CTNND2: variants seen among roughly 807,000 people sequenced by gnomAD.
CTNND2 encodes the protein catenin delta-2.
Under a neutral mutation model 144.4 loss-of-function variants are expected in CTNND2, and 22 were observed. The observed-to-expected ratio is 0.15, with a 90% CI of 0.11 to 0.22. The LOEUF (loss-of-function observed/expected upper bound fraction) is 0.22. CTNND2 is among the 10% of genes least tolerant of loss of function. The probability of loss-of-function intolerance (pLI) is 1.00; values close to 1 mark genes in which losing one functional copy is unlikely to be tolerated. For synonymous variants in CTNND2, 751 were observed against 695.6 expected (o/e 1.08, Z -1.25); for missense variants, 1,353 against 1,618.8 (o/e 0.84, Z 2.82).
chr5:11,667,541 T>C (rs1012301446), intron 2 of CTNND2, among the ~76,000 whole-genome samples: 1 of 152,216 alleles, frequency 6.6e-6, no homozygotes, highest in Non-Finnish European at 1.5e-5. Flanking sequence ...TTTTCATATG[T>C]CTGTTGGCTG....
intron 16 of CTNND2, among the ~76,000 whole-genome samples, chr5:11,030,052 G>A (rs1116698): frequency 0.78 from 118,890 of 151,804 alleles, 46,980 homozygotes; most frequent in African/African-American, 0.88. Context: ...TTTTTCTTTC[G>A]GCACCATGAC....
intron 1 of CTNND2, among the ~76,000 whole-genome samples, chr5:11,887,697 A>T: frequency 6.6e-6 from 1 of 152,174 alleles, no homozygotes; most frequent in Non-Finnish European, 1.5e-5. Context: ...AATTTTCCCT[A>T]AAGTTCTTTT....
chr5:11,279,528 G>C (rs1051551045), intron 9 of CTNND2, among the ~76,000 whole-genome samples: 5 of 152,118 alleles, frequency 3.3e-5, no homozygotes, highest in Middle Eastern at 3.2e-3. Flanking sequence ...ACTTTCAAGA[G>C]AGCAGGAATA....
At chr5:11,648,768 C>T (rs900182792) in intron 2 of CTNND2, among the ~76,000 whole-genome samples, 4 of 152,238 alleles carry the variant, frequency 2.6e-5, no homozygotes, top group Middle Eastern at 3.4e-3. Context: ...CACCATGACA[C>T]TCAATAGACT....
intron 1 of CTNND2, among the ~76,000 whole-genome samples, chr5:11,755,490 T>C (rs1384027135): frequency 2.0e-5 from 3 of 151,730 alleles, no homozygotes; most frequent in African/African-American, 2.4e-5. Context: ...TTGGCCTCTC[T>C]AGCAAGGCTA....
intron 3 of CTNND2, among the ~76,000 whole-genome samples, chr5:11,521,126 T>C (rs956554615): frequency 6.6e-6 from 1 of 152,254 alleles, no homozygotes; most frequent in Non-Finnish European, 1.5e-5. Context: ...TAAACATTCA[T>C]ATCAAAGGGA....
intron 9 of CTNND2, among the ~76,000 whole-genome samples, chr5:11,311,594 T>C (rs1181388421): frequency 1.1e-4 from 10 of 87,644 alleles, no homozygotes; most frequent in African/African-American, 9.0e-5. Flanking sequence ...CACACATACA[T>C]ACTCTCACAC....
At chr5:11,446,949 T>C (rs937993697) in intron 3 of CTNND2, among the ~76,000 whole-genome samples, 2 of 152,108 alleles carry the variant, frequency 1.3e-5, no homozygotes, top group African/African-American at 4.8e-5. Flanking sequence ...CTCAACTCTC[T>C]GGTGTCTCTT....
At chr5:11,002,592 GA>G (rs1167025334) in intron 18 of CTNND2, among the ~76,000 whole-genome samples, 1 of 152,156 alleles carries the variant, frequency 6.6e-6, no homozygotes, top group Non-Finnish European at 1.5e-5. Flanking sequence ...TATGGGGAGA[GA>G]AAACAGGCTA....
chr5:11,002,404 C>T (rs1740047694), intron 18 of CTNND2, among the ~76,000 whole-genome samples: 1 of 152,314 alleles, frequency 6.6e-6, no homozygotes, highest in South Asian at 2.1e-4. Context: ...GGTGAGAGCA[C>T]CCTACTTCTG....
chr5:11,711,209 C>T (rs933093418), intron 2 of CTNND2, among the ~76,000 whole-genome samples: 1 of 152,136 alleles, frequency 6.6e-6, no homozygotes, highest in East Asian at 1.9e-4. Context: ...GCATGTGCCA[C>T]CACGCCAGGC....
At chr5:11,880,587 ACTC>A (rs1195514239) in intron 1 of CTNND2, among the ~76,000 whole-genome samples, 1 of 140,918 alleles carries the variant, frequency 7.1e-6, no homozygotes, top group Non-Finnish European at 1.5e-5. Context: ...TACTACCACT[ACTC>A]CTACTATCAG....
chr5:11,190,700 GTAT>G (rs1252348890), intron 11 of CTNND2, among the ~76,000 whole-genome samples: 2 of 152,194 alleles, frequency 1.3e-5, no homozygotes, highest in Non-Finnish European at 2.9e-5. Flanking sequence ...ATTTGTTGAT[GTAT>G]TATCTATGGT....
At chr5:11,510,851 A>C (rs149278399) in intron 3 of CTNND2, among the ~76,000 whole-genome samples, 25 of 152,208 alleles carry the variant, frequency 1.6e-4, no homozygotes, top group Admixed American at 4.6e-4. Context: ...GTATTGCTTG[A>C]ACCCAAGAGG....
chr5:11,334,115 A>G lies in CTNND2; in HGVS notation c.1628+12257T>C, dbSNP rs139947973. Among the ~76,000 whole-genome samples the G allele has an allele frequency of 2.5e-3, 386 of 152,338 alleles. 1 individual carries two copies. The highest frequency in any genetic ancestry group is 8.9e-3 in the African/African-American group (371 of 41,588). ...AATTCTAGTCACTCATTCATTTAGC[A>G]AACACATTCAAAATGGTAAACATAG... On this transcript the variant is annotated intron_variant, in intron 9 of 21. Coordinates refer to ENST00000304623, the MANE Select transcript of CTNND2 (RefSeq NM_001332.4).
chr5:11,262,019 T>C (rs188754965), intron 9 of CTNND2, among the ~76,000 whole-genome samples: 25 of 152,246 alleles, frequency 1.6e-4, no homozygotes, highest in Admixed American at 3.3e-4. Flanking sequence ...TCATAATTTA[T>C]CTATTATAGA....
intron 2 of CTNND2, among the ~76,000 whole-genome samples, chr5:11,626,908 T>C (rs1781184439): frequency 6.6e-6 from 1 of 152,322 alleles, no homozygotes; most frequent in African/African-American, 2.4e-5. Flanking sequence ...ATTGTTCTTA[T>C]TTCTTCTTTT....
intron 3 of CTNND2, among the ~76,000 whole-genome samples, chr5:11,548,093 AC>A (rs1447119502): frequency 1.3e-5 from 2 of 152,238 alleles, no homozygotes; most frequent in Non-Finnish European, 2.9e-5. Flanking sequence ...CACCCACGAC[AC>A]CATGGGCAAA....
chr5:11,736,980 G>A (rs1787716381), intron 1 of CTNND2, among the ~76,000 whole-genome samples: 1 of 152,034 alleles, frequency 6.6e-6, no homozygotes, highest in African/African-American at 2.4e-5. Flanking sequence ...TAATTACAAT[G>A]AATACTCAGT....
Sources: gnomAD v4.1 joint callset for allele counts (sites outside exome capture counted in the v4.1 genomes callset) on GRCh38, gnomAD v4.1.1 for gene constraint, MANE v1.5 for transcripts, NCBI Gene and HGNC (gene_info 2026-07-23, HGNC 2026-07-21) for gene names.